The following UTRN variants were observed in gnomAD, a reference collection of about 807,000 sequenced individuals.
UTRN encodes dystrophin-related protein 1.
Under a neutral mutation model 463.9 loss-of-function variants are expected in UTRN, and 283 were observed. The ratio of observed to expected loss-of-function variants is 0.61; its 90% CI spans 0.55 to 0.67. The LOEUF is 0.67. UTRN is among the 30% of genes least tolerant of loss of function. The pLI is 0.00. For synonymous variants in UTRN, 1,442 were observed against 1,431.5 expected, an observed-to-expected ratio of 1.01 and a Z score of -0.17; for missense variants, 3,922 against 4,084.3, an observed-to-expected ratio of 0.96 and a Z score of 1.08.
chr6:144,576,181 T>C (rs747995174), intron 50 of UTRN, among the ~76,000 whole-genome samples: 1 of 152,212 alleles, frequency 6.6e-6, no homozygotes, highest in Non-Finnish European at 1.5e-5. Context: ...TTGATTCTAC[T>C]AGTTGGCCAT....
At chr6:144,500,155 C>A (rs1794046343) in intron 34 of UTRN, among the ~76,000 whole-genome samples, 1 of 152,148 alleles carries the variant, frequency 6.6e-6, no homozygotes, top group Non-Finnish European at 1.5e-5. Flanking sequence ...GGTCAGTAAT[C>A]AGAATTCTGT....
chr6:144,844,371 C>T (rs1781846168), intron 73 of UTRN, among the ~76,000 whole-genome samples: 1 of 151,802 alleles, frequency 6.6e-6, no homozygotes, highest in Non-Finnish European at 1.5e-5. Context: ...CAGGCTCAAG[C>T]AATTCTCATG....
intron 14 of UTRN, among the ~76,000 whole-genome samples, chr6:144,445,073 G>C (rs1260288526): frequency 6.6e-6 from 1 of 152,118 alleles, no homozygotes; most frequent in African/African-American, 2.4e-5. Flanking sequence ...GATACTGGCC[G>C]GGCAGGGTGG....
At chr6:144,453,347 T>G (rs1357777402) in intron 18 of UTRN, among the ~76,000 whole-genome samples, 1 of 152,190 alleles carries the variant, frequency 6.6e-6, no homozygotes, top group Non-Finnish European at 1.5e-5. Context: ...GGTCTCAAAC[T>G]CCTGACCTCT....
chr6:144,541,042 G>C (rs750745931), intron 45 of UTRN, among the ~76,000 whole-genome samples: 2 of 152,108 alleles, frequency 1.3e-5, no homozygotes, highest in Non-Finnish European at 2.9e-5. Flanking sequence ...GACTACAAAG[G>C]CTGCCCCACT....
chr6:144,780,850 T>G (rs1402313202), intron 60 of UTRN, among the ~76,000 whole-genome samples: 1 of 152,210 alleles, frequency 6.6e-6, no homozygotes, highest in East Asian at 1.9e-4. Context: ...TTCTTGCCTT[T>G]TCTCAAGTAC....
In UTRN at chr6:144,516,865, T is replaced by C; in HGVS notation, c.5458T>C (p.Leu1820=). The C allele has an allele frequency of 6.6e-7, 1 of 1,515,282 alleles. No homozygotes were observed. The highest frequency in any genetic ancestry group is 8.8e-7 in the Non-Finnish European group (1 of 1,132,918). 93.9% of individuals were successfully genotyped at this position (1,515,282 alleles called of 1,614,324 possible). Residue 1820 remains leucine, a synonymous_variant, in exon 39 of 75, where the codon TTA becomes CTA. Transcript: ENST00000367545. The part of the protein sequence containing the change: ...EEVLQRGEEM[L]HQPMEDNKKE... Reference sequence around the variant, plus strand: ...AGTTCTACAAAGAGGAGAAGAAATGTTACATCAACCTATGGAAGATAATAA... The same window carrying C: ...AGTTCTACAAAGAGGAGAAGAAATGCTACATCAACCTATGGAAGATAATAA...
intron 51 of UTRN, among the ~76,000 whole-genome samples, chr6:144,651,345 A>G (rs185236885): frequency 1.1e-4 from 17 of 152,314 alleles, no homozygotes; most frequent in African/African-American, 3.6e-4. Flanking sequence ...ATATAGTACT[A>G]GTGAATGTCT....
At chr6:144,831,264 T>G (rs1780649280) in intron 69 of UTRN, among the ~76,000 whole-genome samples, 1 of 152,072 alleles carries the variant, frequency 6.6e-6, no homozygotes, top group South Asian at 2.1e-4. Flanking sequence ...TTAAGGACCT[T>G]GAAATAGAGA....
At chr6:144,642,148 C>G (rs973914335) in intron 51 of UTRN, among the ~76,000 whole-genome samples, 1 of 152,148 alleles carries the variant, frequency 6.6e-6, no homozygotes, top group Non-Finnish European at 1.5e-5. Flanking sequence ...CTGAACTTCT[C>G]TTTTTATTAT....
Position 144,474,608 on chromosome 6 carries a change from T to C in UTRN, c.3185T>C (p.Phe1062Ser). ...ATGCATCTTTTATGTGTTTAGGCAT[T>C]TGTTAATGAAATAGAAACAATTGAA... is the stretch of plus-strand genomic sequence containing the variant. ...LQRQLDQCSA[F>S]VNEIETIESS... Residue 1062 changes from phenylalanine to serine, a missense_variant, in exon 25 of 75, where the codon TTT (phenylalanine) becomes TCT (serine). Transcript: ENST00000367545. The C allele has an allele frequency of 6.2e-7, 1 of 1,612,170 alleles. No individual in the cohort carries two copies. The highest frequency in any genetic ancestry group is 8.5e-7 in the Non-Finnish European group (1 of 1,179,318).
At chr6:144,752,704 A>G (rs4131500) in intron 56 of UTRN, among the ~76,000 whole-genome samples, 71,381 of 152,048 alleles carry the variant, frequency 0.47, 21,627 homozygotes, top group East Asian at 0.87. Flanking sequence ...TTTCTAGTGG[A>G]TGGAACATAG....
At chr6:144,320,019 A>C (rs1775535495) in intron 2 of UTRN, among the ~76,000 whole-genome samples, 1 of 151,932 alleles carries the variant, frequency 6.6e-6, no homozygotes, top group Non-Finnish European at 1.5e-5. Context: ...ACGCCCGGCT[A>C]GTTTTTGTAT....
At chr6:144,456,817 A>G (rs958512508) in intron 19 of UTRN, among the ~76,000 whole-genome samples, 1 of 152,066 alleles carries the variant, frequency 6.6e-6, no homozygotes, top group African/African-American at 2.4e-5. Context: ...GGGCATCTGG[A>G]TAATGTGGCT....
At chr6:144,432,741 T>C (rs2114875779) in intron 9 of UTRN, among the ~76,000 whole-genome samples, 1 of 152,080 alleles carries the variant, frequency 6.6e-6, no homozygotes, top group East Asian at 1.9e-4. Context: ...AGAGGGGGAT[T>C]TGGCAGGGTC....
At chr6:144,455,195 T>G (rs1788698350) in intron 19 of UTRN, among the ~76,000 whole-genome samples, 1 of 152,156 alleles carries the variant, frequency 6.6e-6, no homozygotes, top group Non-Finnish European at 1.5e-5. Context: ...ATTATGCAAA[T>G]GTATTATCAA....
chr6:144,681,789 C>T (rs1048983267), intron 52 of UTRN, among the ~76,000 whole-genome samples: 2 of 151,934 alleles, frequency 1.3e-5, no homozygotes, highest in African/African-American at 4.8e-5. Flanking sequence ...TTAACCTGTC[C>T]GTGCTTTTAC....
intron 2 of UTRN, among the ~76,000 whole-genome samples, chr6:144,345,900 G>A (rs1004061145): frequency 3.3e-5 from 5 of 152,102 alleles, no homozygotes; most frequent in African/African-American, 9.7e-5. Flanking sequence ...GGCTTTGGCC[G>A]GGGGCGGTGG....
rs537566653 is a variant in UTRN, at chr6:144,398,165, C to A, written c.80-4958C>A. The A allele has an allele frequency of 4.0e-5, 10 of 249,252 alleles. No homozygotes were observed. The South Asian group carries it at 5.0e-4, about 13-fold the overall frequency. The allele number at this position is 249,252 out of a possible 1,614,324, so 15.4% of individuals were successfully genotyped here. A position where few individuals can be genotyped will look rare whatever the true frequency, so the allele number is the denominator to read the frequency against. ...TTTCCCTGTTCCCTGGGGTGGTGTACCTGCTCTTGCAATATTCTCTAATTT... is the reference window on the plus strand; with the variant it reads ...TTTCCCTGTTCCCTGGGGTGGTGTAACTGCTCTTGCAATATTCTCTAATTT... On this transcript the variant is annotated intron_variant, in intron 2 of 74. Transcript: ENST00000367545.
Sources: allele counts gnomAD v4.1 joint callset (sites outside exome capture counted in the v4.1 genomes callset), GRCh38; gene constraint gnomAD v4.1.1; transcripts MANE v1.5; gene names NCBI Gene and HGNC (gene_info 2026-07-23, HGNC 2026-07-21).